CACNA1A: variants seen among roughly 807,000 people sequenced by gnomAD.
The protein encoded by CACNA1A is voltage-dependent P/Q-type calcium channel subunit alpha-1A.
CACNA1A carries 57 observed loss-of-function variants against 262.4 expected under a neutral mutation model. The ratio of observed to expected loss-of-function variants is 0.22; its 90% CI spans 0.18 to 0.27. The LOEUF (loss-of-function observed/expected upper bound fraction) is 0.27, where lower values mean the gene tolerates loss of function less well. Ranked by LOEUF, CACNA1A falls within the 10% of genes least tolerant of loss-of-function variation. The probability of loss-of-function intolerance (pLI) is 1.00; values close to 1 mark genes in which losing one functional copy is unlikely to be tolerated. For synonymous variants in CACNA1A, 1,431 were observed against 1,419.3 expected, an observed-to-expected ratio of 1.01 and a Z score of -0.18; for missense variants, 2,526 against 3,562.8, an observed-to-expected ratio of 0.71 and a Z score of 7.41.
At chr19:13,399,668 G>A (rs1169316861) in intron 3 of CACNA1A, among the ~76,000 whole-genome samples, 3 of 152,080 alleles carry the variant, frequency 2.0e-5, no homozygotes, top group Non-Finnish European at 2.9e-5. Flanking sequence ...CTCAAGCAAC[G>A]ACAGGCTCCT....
Position 13,252,975 on chromosome 19 carries a change from C to T in CACNA1A, c.4866+16G>A. Reference sequence around the variant, plus strand: ...TTCTCCCAAGCCCATAGCTGTAGCCCCAAGGTGGTACTTACCAGAATCCCA... The same window carrying T: ...TTCTCCCAAGCCCATAGCTGTAGCCTCAAGGTGGTACTTACCAGAATCCCA... On this transcript the variant is annotated intron_variant, in intron 30 of 46. Coordinates refer to ENST00000360228, the MANE Select transcript of CACNA1A (RefSeq NM_001127222.2). 6.5e-7 allele frequency: 1 copy of T among 1,540,068 alleles called. No individual in the cohort carries two copies. Among genetic ancestry groups the T allele is most frequent in the Non-Finnish European group, 9.0e-7 (1 of 1,113,016 alleles).
chr19:13,344,109 G>A (rs2058720648), intron 6 of CACNA1A, among the ~76,000 whole-genome samples: 1 of 151,582 alleles, frequency 6.6e-6, no homozygotes, highest in East Asian at 1.9e-4. Context: ...AGCTACTGGG[G>A]ATGCTGAAGT....
chr19:13,482,935 C>T (rs1054147977), intron 1 of CACNA1A, among the ~76,000 whole-genome samples: 1 of 151,042 alleles, frequency 6.6e-6, no homozygotes, highest in Non-Finnish European at 1.5e-5. Flanking sequence ...TGCCTCCTTC[C>T]TCTCTTCCTC....
chr19:13,359,567 A>G, intron 6 of CACNA1A, 39 bp downstream of exon 6: 1 of 1,534,986 alleles, frequency 6.5e-7, no homozygotes, highest in Non-Finnish European at 8.9e-7. Context: ...CCTCCCTGAG[A>G]CTCTGATTGT....
chr19:13,466,329 C>CT (rs1208322550), intron 1 of CACNA1A, among the ~76,000 whole-genome samples: 431 of 97,982 alleles, frequency 4.4e-3, no homozygotes, highest in African/African-American at 0.014. Flanking sequence ...TTTTCCTTTT[C>CT]TTTTTTTTTA....
At position 13,210,650 on chromosome 19, in the gene CACNA1A, C is replaced by T. The variant is rs557017447; in HGVS notation, c.6306G>A (p.Arg2102=). ...SMPRLPAENQ[R]RRGRPRGNNL... ...TATTCCCACGTGGCCGGCCCCTTCT[C>T]CTCTGTCACAGCCCCATGGGATGGT... Residue 2102 remains arginine, a splice_region_variant and synonymous_variant, in exon 44 of 47, where the codon AGG becomes AGA. Transcript: ENST00000360228. 1.3e-6 allele frequency: 2 copies of T among 1,563,702 alleles called. No homozygotes were observed. Among genetic ancestry groups the T allele is most frequent in the Admixed American group, 1.9e-5 (1 of 52,654 alleles).
intron 38 of CACNA1A, among the ~76,000 whole-genome samples, chr19:13,223,455 C>T (rs138228068): frequency 0.01 from 1,592 of 152,266 alleles, 28 homozygotes; most frequent in African/African-American, 0.036. Flanking sequence ...TCCCAAAGTG[C>T]TGAGATTACA....
intron 1 of CACNA1A, among the ~76,000 whole-genome samples, chr19:13,483,357 CAGCA>C (rs1194328625): frequency 2.6e-5 from 4 of 152,118 alleles, no homozygotes; most frequent in East Asian, 1.9e-4. Flanking sequence ...CTTGTTACAG[CAGCA>C]AGCATATCCT....
In CACNA1A at chr19:13,300,634, G is replaced by C. The variant is rs1436402188; in HGVS notation, c.2195C>G (p.Ala732Gly). The C allele has an allele frequency of 1.2e-6, 2 of 1,613,460 alleles. No individual in the cohort carries two copies. The change falls in exon 18 of 47, where the codon GCA (alanine) becomes GGA (glycine). Residue 732 changes from alanine (A) to glycine (G), a missense_variant. Physicochemically the swap from Ala to Gly is moderately conservative, Grantham distance 60. Transcript: ENST00000360228. ...CTGTAGGGCAAGTTTCTGGTTCGCT[G>C]CTTCTTCTTCCTCTTGCTCGTCCTA... The part of the protein sequence containing the change: ...LTKDEQEEEE[A>G]ANQKLALQKA...
chr19:13,467,287 GC>G (rs146338985), intron 1 of CACNA1A, among the ~76,000 whole-genome samples: 7,732 of 151,968 alleles, frequency 0.051, 277 homozygotes, highest in Non-Finnish European at 0.068. Flanking sequence ...AAAACAACAA[GC>G]CCATATTCTT....
Position 13,216,640 on chromosome 19 carries a change from T to A in CACNA1A, c.5732-2032A>T, listed in dbSNP as rs542008929. The stretch of plus-strand genomic sequence containing the variant: ...ACTGTGCCTGGCCTATTATTTTTTT[T>A]AAAAATTTATCTATCTATCTATCTA... On this transcript the variant is annotated intron_variant, in intron 38 of 46. Transcript: ENST00000360228. 1.1e-3 allele frequency among the ~76,000 whole-genome samples: 167 copies of A among 150,598 alleles called. 1 individual carries two copies. The highest frequency in any genetic ancestry group is 6.3e-3 in the South Asian group (30 of 4,750).
At chr19:13,227,748 A>G (rs376170199) in intron 36 of CACNA1A, 26 of 308,052 alleles carry the variant, frequency 8.4e-5, no homozygotes, top group East Asian at 7.2e-4. Context: ...AAAGGTCAGT[A>G]AAAAAAGATT....
intron 9 of CACNA1A, among the ~76,000 whole-genome samples, 173 bp downstream of exon 9, chr19:13,332,696 A>C (rs1382912725): frequency 6.6e-6 from 1 of 151,966 alleles, no homozygotes; most frequent in Non-Finnish European, 1.5e-5. Context: ...TAAAACAAAA[A>C]AGTGGAGGCC....
At chr19:13,394,012 C>A (rs10421410) in intron 3 of CACNA1A, among the ~76,000 whole-genome samples, 2,137 of 152,178 alleles carry the variant, frequency 0.014, 60 homozygotes, top group African/African-American at 0.049. Context: ...ATCACTCAAG[C>A]TCTACTTGTA....
chr19:13,244,654 A>G (rs2056179830), intron 31 of CACNA1A: 2 of 153,844 alleles, frequency 1.3e-5, no homozygotes, highest in South Asian at 4.1e-4. Context: ...AGAGACTCCC[A>G]TGTTGAGAGT....
intron 1 of CACNA1A, among the ~76,000 whole-genome samples, chr19:13,472,219 C>T (rs1036045062): frequency 2.0e-5 from 3 of 152,098 alleles, no homozygotes; most frequent in Admixed American, 6.5e-5. Flanking sequence ...GATCCTCCCA[C>T]CTCAGCCTCC....
At chr19:13,501,300 C>T (rs552782492) in intron 1 of CACNA1A, among the ~76,000 whole-genome samples, 1 of 151,904 alleles carries the variant, frequency 6.6e-6, no homozygotes, top group Non-Finnish European at 1.5e-5. Context: ...GCCAGCCTCC[C>T]GAGTAGCTGG....
At chr19:13,334,136 G>C in intron 8 of CACNA1A, 1 of 489,344 alleles carries the variant, frequency 2.0e-6, no homozygotes. Flanking sequence ...GGCAGGGCCG[G>C]GATGTAAACC....
intron 5 of CACNA1A, chr19:13,363,013 T>C (rs1290881378): frequency 6.6e-6 from 1 of 152,176 alleles, no homozygotes; most frequent in Non-Finnish European, 1.5e-5. Flanking sequence ...CATTTTAAAA[T>C]TAACCCACTG....
Sources: gnomAD v4.1 joint callset for allele counts (sites outside exome capture counted in the v4.1 genomes callset) on GRCh38, gnomAD v4.1.1 for gene constraint, MANE v1.5 for transcripts, NCBI Gene and HGNC (gene_info 2026-07-23, HGNC 2026-07-21) for gene names.